RPH3A: variants seen among roughly 807,000 people sequenced by gnomAD.
RPH3A encodes the protein rabphilin-3A.
A neutral mutation model predicts 102.2 loss-of-function variants in RPH3A; 48 were observed. The ratio of observed to expected loss-of-function variants is 0.47; its 90% CI spans 0.37 to 0.60. The LOEUF (loss-of-function observed/expected upper bound fraction) is 0.60. Ranked by LOEUF, RPH3A falls within the 20% of genes least tolerant of loss-of-function variation. RPH3A has a pLI of 0.00. For missense variants in RPH3A, 781 were observed against 910.1 expected, an observed-to-expected ratio of 0.86 and a Z score of 1.83; for synonymous variants, 310 against 324.3, an observed-to-expected ratio of 0.96 and a Z score of 0.47.
chr12:112,805,972 G>A (rs1290270242), intron 2 of RPH3A, among the ~76,000 whole-genome samples: 4 of 152,126 alleles, frequency 2.6e-5, no homozygotes, highest in Non-Finnish European at 5.9e-5. Flanking sequence ...ACCCATTAGG[G>A]ATGTAAATGG....
At chr12:112,836,840 G>A (rs577126035) in intron 4 of RPH3A, among the ~76,000 whole-genome samples, 2 of 152,280 alleles carry the variant, frequency 1.3e-5, no homozygotes, top group Admixed American at 1.3e-4. Flanking sequence ...ACTGTTCTGC[G>A]ATAAGGAAAA....
chr12:112,665,935 C>G (rs1231926715), intron 1 of RPH3A, among the ~76,000 whole-genome samples: 1 of 152,192 alleles, frequency 6.6e-6, no homozygotes, highest in Non-Finnish European at 1.5e-5. Context: ...CAAAGCCTTC[C>G]TGAGCCATGT....
chr12:112,694,800 C>T (rs2040338131), intron 1 of RPH3A, among the ~76,000 whole-genome samples: 1 of 152,122 alleles, frequency 6.6e-6, no homozygotes, highest in African/African-American at 2.4e-5. Context: ...TCATCAATTG[C>T]CTCATTGGTA....
At chr12:112,684,223 A>T (rs2040246677) in intron 1 of RPH3A, among the ~76,000 whole-genome samples, 1 of 152,134 alleles carries the variant, frequency 6.6e-6, no homozygotes. Flanking sequence ...TCCTGCCAAA[A>T]ACATATGAGA....
At chr12:112,713,196 T>C (rs1037329444) in intron 1 of RPH3A, among the ~76,000 whole-genome samples, 4 of 151,444 alleles carry the variant, frequency 2.6e-5, no homozygotes, top group Admixed American at 6.6e-5. Flanking sequence ...CCTCTCAAAG[T>C]GCTGGGATTA....
At chr12:112,613,558 C>T (rs1401561384) in intron 1 of RPH3A, among the ~76,000 whole-genome samples, 1 of 152,070 alleles carries the variant, frequency 6.6e-6, no homozygotes, top group African/African-American at 2.4e-5. Flanking sequence ...CTGGATTATC[C>T]AGGTGAGCCC....
intron 21 of RPH3A, 43 bp from the exon 22 acceptor site, chr12:112,896,607 T>A: frequency 6.2e-7 from 1 of 1,612,484 alleles, no homozygotes. Flanking sequence ...TAGAACGACC[T>A]CTATTCTGAC....
intron 2 of RPH3A, among the ~76,000 whole-genome samples, chr12:112,799,962 T>C (rs1404089860): frequency 1.3e-5 from 2 of 152,100 alleles, no homozygotes; most frequent in Non-Finnish European, 2.9e-5. Context: ...TGCTCTAGAC[T>C]CATTCCCCCA....
intron 2 of RPH3A, among the ~76,000 whole-genome samples, chr12:112,800,335 T>C (rs2041317843): frequency 6.6e-6 from 1 of 151,990 alleles, no homozygotes; most frequent in African/African-American, 2.4e-5. Context: ...GAGACAACTG[T>C]GGTGGCCCCA....
chr12:112,717,770 T>C (rs2040524049), intron 1 of RPH3A, among the ~76,000 whole-genome samples: 2 of 151,698 alleles, frequency 1.3e-5, no homozygotes, highest in Non-Finnish European at 2.9e-5. Context: ...GGATTGCAGG[T>C]TTGCATGGTA....
intron 2 of RPH3A, among the ~76,000 whole-genome samples, chr12:112,821,347 C>T (rs994029030): frequency 6.6e-6 from 1 of 152,226 alleles, no homozygotes; most frequent in African/African-American, 2.4e-5. Context: ...TGTTCAGAGG[C>T]TTTCTGGGTC....
At chr12:112,824,639 T>A (rs1565902065) in intron 2 of RPH3A, among the ~76,000 whole-genome samples, 1 of 152,230 alleles carries the variant, frequency 6.6e-6, no homozygotes, top group South Asian at 2.1e-4. Context: ...AAGCACCAGA[T>A]AAAGAGTCCA....
At chr12:112,639,785 A>T (rs548291747) in intron 1 of RPH3A, among the ~76,000 whole-genome samples, 1 of 152,300 alleles carries the variant, frequency 6.6e-6, no homozygotes, top group South Asian at 2.1e-4. Flanking sequence ...TGACACCTTT[A>T]TCACAGGGGT....
intron 1 of RPH3A, among the ~76,000 whole-genome samples, chr12:112,638,058 C>T (rs758696797): frequency 1.3e-5 from 2 of 152,066 alleles, no homozygotes; most frequent in Non-Finnish European, 2.9e-5. Context: ...CTGGACCTCT[C>T]ATGAATAGAT....
At chr12:112,590,082 C>CAA (rs766520725) in intron 1 of RPH3A, among the ~76,000 whole-genome samples, 10,766 of 114,614 alleles carry the variant, frequency 0.094, 552 homozygotes, top group South Asian at 0.35. Flanking sequence ...GACTCCATCT[C>CAA]AAAAAAAAAA....
intron 1 of RPH3A, among the ~76,000 whole-genome samples, chr12:112,705,179 T>A (rs961822552): frequency 6.6e-6 from 1 of 152,208 alleles, no homozygotes; most frequent in African/African-American, 2.4e-5. Context: ...AAGGTAGGGA[T>A]CTGCTCCTTC....
intron 1 of RPH3A, among the ~76,000 whole-genome samples, chr12:112,584,599 G>A (rs1196478271): frequency 3.3e-5 from 5 of 152,226 alleles, no homozygotes; most frequent in African/African-American, 1.2e-4. Context: ...TGATGGCTCA[G>A]AAGTCCAGGG....
At chr12:112,812,719 C>T (rs1446922132) in intron 2 of RPH3A, among the ~76,000 whole-genome samples, 1 of 152,172 alleles carries the variant, frequency 6.6e-6, no homozygotes, top group Non-Finnish European at 1.5e-5. Flanking sequence ...CTCACATACA[C>T]ACAAAACCCC....
intron 1 of RPH3A, among the ~76,000 whole-genome samples, chr12:112,656,127 C>T (rs2040010008): frequency 6.6e-6 from 1 of 152,178 alleles, no homozygotes; most frequent in Non-Finnish European, 1.5e-5. Flanking sequence ...AATGATGCAG[C>T]CACAAGTCTT....
Sources: gnomAD v4.1 joint callset for allele counts (sites outside exome capture counted in the v4.1 genomes callset) on GRCh38, gnomAD v4.1.1 for gene constraint, MANE v1.5 for transcripts, NCBI Gene and HGNC (gene_info 2026-07-23, HGNC 2026-07-21) for gene names.